The following CDCP2 variants were observed in gnomAD, a reference collection of about 807,000 sequenced individuals.
The protein encoded by CDCP2 is CUB domain containing protein 2.
In CDCP2, 31 loss-of-function variants were observed where a neutral mutation model predicts 31.0. The observed-to-expected ratio is 1.00, with a 90% CI of 0.75 to 1.35. The LOEUF (loss-of-function observed/expected upper bound fraction) is 1.35. CDCP2 is among the 40% of genes most tolerant of loss of function. CDCP2 has a pLI of 0.00. For synonymous variants in CDCP2, 206 were observed against 207.9 expected, an observed-to-expected ratio of 0.99 and a Z score of 0.08; for missense variants, 443 against 482.6, an observed-to-expected ratio of 0.92 and a Z score of 0.77.
chr1:54,139,647 G>A lies in CDCP2; in HGVS notation c.1117+106C>T, dbSNP rs75306471. ...AAGGAGCTGGAGAAGACCATTCATG[G>A]GGGGGGCAGGACAAACTGGTGGGAT... On this transcript the variant is annotated intron_variant, in intron 4 of 5. Transcript: ENST00000530059. 7.0e-5 allele frequency: 85 copies of A among 1,222,998 alleles called. No homozygotes were observed. Among genetic ancestry groups the A allele is most frequent in the Admixed American group, 3.1e-4 (12 of 39,020 alleles). 75.8% of individuals were successfully genotyped at this position (1,222,998 alleles called of 1,614,324 possible).
rs1009071812 is a variant in CDCP2, at chr1:54,141,016, G to T, written c.763+82C>A. 5.8e-6 allele frequency: 7 copies of T among 1,197,588 alleles called. No individual in the cohort carries two copies. The Admixed American group carries it at 1.7e-4, about 29-fold the overall frequency. The allele number at this position is 1,197,588 out of a possible 1,614,324, so 74.2% of individuals were successfully genotyped here. ...GCTCAAGGCTGCGGGGGGCAGAAAG[G>T]TGTGACCCCTGCAAGTGTAATGGGG... is the stretch of plus-strand genomic sequence containing the variant. On this transcript the variant is annotated intron_variant, in intron 3 of 5. Transcript: ENST00000530059.
chr1:54,133,666 G>A (rs553845965), intron 5 of CDCP2, among the ~76,000 whole-genome samples: 2 of 152,156 alleles, frequency 1.3e-5, no homozygotes, highest in Non-Finnish European at 2.9e-5. Context: ...GGAGGCCAAG[G>A]CGGGCGGATC....
At chr1:54,148,788 T>C (rs1570071542) in intron 1 of CDCP2, among the ~76,000 whole-genome samples, 1 of 151,304 alleles carries the variant, frequency 6.6e-6, no homozygotes. Context: ...CCCAGCACTT[T>C]GGGAGGCCGA....
chr1:54,134,488 A>G (rs753688041), intron 5 of CDCP2, among the ~76,000 whole-genome samples: 6 of 152,172 alleles, frequency 3.9e-5, no homozygotes, highest in African/African-American at 9.7e-5. Flanking sequence ...AGTGATGCAG[A>G]ACTACTCTCC....
chr1:54,140,213 C>G, intron 3 of CDCP2, 107 bp from the exon 4 acceptor site: 1 of 999,554 alleles, frequency 1.0e-6, no homozygotes. Context: ...CCAAAAACCA[C>G]CAGCAGGTTG....
upstream of CDCP2, chr1:54,152,963 A>T (rs759958254): frequency 1.3e-6 from 2 of 1,594,412 alleles, no homozygotes; most frequent in Admixed American, 3.3e-5. Flanking sequence ...GAGCTCAGGT[A>T]GGCCAGGATC....
chr1:54,143,062 A>C (rs1232209663), intron 2 of CDCP2: 1 of 152,256 alleles, frequency 6.6e-6, no homozygotes, highest in South Asian at 2.1e-4. Context: ...CAGGCTGGGC[A>C]TGGTGGCTCA....
At chr1:54,152,425 C>T (rs1659599961) in intron 1 of CDCP2, among the ~76,000 whole-genome samples, 1 of 150,584 alleles carries the variant, frequency 6.6e-6, no homozygotes, top group African/African-American at 2.4e-5. Flanking sequence ...AATAGGGCCA[C>T]TGCACTCCAG....
exon 5 of CDCP2, chr1:54,136,730 C>T (rs771027854): frequency 8.8e-5 from 35 of 399,058 alleles, no homozygotes; most frequent in Middle Eastern, 6.2e-4. Context: ...GACCTTGGTC[C>T]GCTCCAGCGG....
exon 3 of CDCP2, chr1:54,141,405 C>G (rs369214599): frequency 6.2e-7 from 1 of 1,611,322 alleles, no homozygotes; most frequent in Non-Finnish European, 8.5e-7. Flanking sequence ...GGACCCCTGA[C>G]AGGCCAGTCA....
chr1:54,144,448 C>A lies in CDCP2; in HGVS notation c.427+18G>T, dbSNP rs751132247. On this transcript the variant is annotated intron_variant, in intron 2 of 5. Coordinates refer to ENST00000530059, the Ensembl canonical transcript of CDCP2. ...AGGTGTGAGCCACTGCAACAGGTCC[C>A]TAAGGCCCCCCGTTGACCTTTCTGG... 6.4e-7 allele frequency: 1 copy of A among 1,552,618 alleles called. No individual in the cohort carries two copies. Among genetic ancestry groups the A allele is most frequent in the South Asian group, 1.2e-5 (1 of 80,592 alleles).
intron 3 of CDCP2, chr1:54,140,357 A>G (rs1252177252): frequency 3.6e-6 from 2 of 561,748 alleles, no homozygotes; most frequent in Admixed American, 6.1e-5. Flanking sequence ...TCCCCTTCAC[A>G]GGTGTAGGCC....
At position 54,137,678 on chromosome 1, in the gene CDCP2, TGTGTGC is replaced by T. The variant is rs1432343947; in HGVS notation, c.1118-876_1118-871del. The T allele has an allele frequency of 3.1e-4, 39 of 124,940 alleles. 1 individual carries two copies. The highest frequency in any genetic ancestry group is 1.1e-3 in the Admixed American group (13 of 12,272). The allele number at this position is 124,940 out of a possible 1,614,324, so 7.7% of individuals were successfully genotyped here. ...TTGGGTGAGCATGTGTGTGTGTGTGTGTGTGCGTGTGTGTGTGTGTGTGTGTGCATG... is the reference window on the plus strand; with the variant it reads ...TTGGGTGAGCATGTGTGTGTGTGTGTGTGTGTGTGTGTGTGTGTGTGCATG... On this transcript the variant is annotated intron_variant, in intron 4 of 5. Transcript: ENST00000530059.
chr1:54,150,292 A>G (rs1659558683), intron 1 of CDCP2, among the ~76,000 whole-genome samples: 2 of 152,238 alleles, frequency 1.3e-5, no homozygotes, highest in South Asian at 4.2e-4. Flanking sequence ...ACTCTTTTAA[A>G]TTTTTTAGAA....
intron 1 of CDCP2, among the ~76,000 whole-genome samples, chr1:54,149,339 G>A (rs1203262347): frequency 6.6e-6 from 1 of 151,772 alleles, no homozygotes; most frequent in South Asian, 2.1e-4. Context: ...CATATTTATG[G>A]GTGAAATAAT....
chr1:54,133,635 G>A (rs1017678170), intron 5 of CDCP2, among the ~76,000 whole-genome samples: 24 of 152,278 alleles, frequency 1.6e-4, no homozygotes, highest in African/African-American at 5.1e-4. Flanking sequence ...GGTGGCTCAC[G>A]CCTGTAATCC....
downstream of CDCP2, chr1:54,132,725 A>G (rs191692245): frequency 5.3e-6 from 2 of 376,812 alleles, no homozygotes; most frequent in East Asian, 3.8e-5. Context: ...AATAACAGCA[A>G]TTGCATATAC....
At chr1:54,140,605 A>T (rs559473806) in intron 3 of CDCP2, 76 of 207,826 alleles carry the variant, frequency 3.7e-4, no homozygotes, top group Middle Eastern at 3.7e-3. Context: ...GTACTGCTCA[A>T]TTCTCTTCTC....
chr1:54,136,307 T>TA (rs1487053262), intron 5 of CDCP2, among the ~76,000 whole-genome samples: 1 of 152,152 alleles, frequency 6.6e-6, no homozygotes. Flanking sequence ...AGGGACCCTG[T>TA]AGCAGGAGTG....
Sources: gnomAD v4.1 joint callset for allele counts (sites outside exome capture counted in the v4.1 genomes callset) on GRCh38, gnomAD v4.1.1 for gene constraint, MANE v1.5 for transcripts, NCBI Gene and HGNC (gene_info 2026-07-23, HGNC 2026-07-21) for gene names.